Variants in TTC27 observed in about 807,000 individuals in gnomAD.
The protein encoded by TTC27 is tetratricopeptide repeat protein 27.
A neutral mutation model predicts 115.9 loss-of-function variants in TTC27; 79 were observed. That is an observed-to-expected ratio of 0.68 (90% CI 0.57 to 0.82). The LOEUF (loss-of-function observed/expected upper bound fraction) is 0.82, where lower values mean the gene tolerates loss of function less well. TTC27 is among the 40% of genes least tolerant of loss of function. The pLI, the probability that TTC27 is intolerant of heterozygous loss-of-function variation, is 0.00. For missense variants in TTC27, 1,054 were observed against 993.1 expected, an observed-to-expected ratio of 1.06 and a Z score of -0.82; for synonymous variants, 401 against 356.0, an observed-to-expected ratio of 1.13 and a Z score of -1.42.
chr2:32,798,713 A>AAAAATAATAATAAT (rs1368512271), intron 16 of TTC27, among the ~76,000 whole-genome samples: 2 of 142,348 alleles, frequency 1.4e-5, no homozygotes, highest in African/African-American at 5.4e-5. Context: ...TCAAAAAAAA[A>AAAAATAATAATAAT]AATAATAATA....
intron 7 of TTC27, among the ~76,000 whole-genome samples, chr2:32,670,609 T>C (rs1665977523): frequency 6.6e-6 from 1 of 152,118 alleles, no homozygotes; most frequent in African/African-American, 2.4e-5. Flanking sequence ...ACGTAAGTTT[T>C]TTTTTTTCTC....
chr2:32,740,614 G>A (rs928733038), intron 12 of TTC27, among the ~76,000 whole-genome samples: 1 of 152,056 alleles, frequency 6.6e-6, no homozygotes, highest in Non-Finnish European at 1.5e-5. Context: ...GAGCTGTTTC[G>A]AATGAGTGGC....
chr2:32,672,518 G>A, intron 8 of TTC27, 134 bp downstream of exon 8: 1 of 580,618 alleles, frequency 1.7e-6, no homozygotes, highest in Non-Finnish European at 3.1e-6. Context: ...GAAGATCAGA[G>A]GAAATACTTG....
intron 10 of TTC27, among the ~76,000 whole-genome samples, 188 bp from the exon 11 acceptor site, chr2:32,733,640 T>C (rs1668362931): frequency 6.6e-6 from 1 of 152,226 alleles, no homozygotes; most frequent in African/African-American, 2.4e-5. Context: ...TATGTAAATG[T>C]GGATTAGGTT....
intron 16 of TTC27, among the ~76,000 whole-genome samples, chr2:32,810,607 C>G (rs1259269663): frequency 6.6e-6 from 1 of 152,084 alleles, no homozygotes; most frequent in East Asian, 1.9e-4. Context: ...TGTAACCTGT[C>G]TGGTAGGTAT....
At chr2:32,677,201 C>G (rs947561569) in intron 8 of TTC27, among the ~76,000 whole-genome samples, 11 of 152,108 alleles carry the variant, frequency 7.2e-5, no homozygotes, top group African/African-American at 2.7e-4. Flanking sequence ...TCCTGTGATG[C>G]ATGTTGTTAT....
At chr2:32,639,237 C>T (rs1352642576) in intron 3 of TTC27, among the ~76,000 whole-genome samples, 1 of 152,208 alleles carries the variant, frequency 6.6e-6, no homozygotes, top group Non-Finnish European at 1.5e-5. Context: ...AGAAAGGACA[C>T]TGTCCTGTGC....
Position 32,639,053 on chromosome 2 carries a change from T to C in TTC27, c.397-1217T>C, listed in dbSNP as rs183180380. 5.1e-3 allele frequency among the ~76,000 whole-genome samples: 768 copies of C among 151,918 alleles called. 6 individuals are homozygous for C. The highest frequency in any genetic ancestry group is 8.5e-3 in the Non-Finnish European group (578 of 67,956). ...TTCACCGTGTTAGCCAGGATGGTCT[T>C]GATCTCCTGACCTCGTGATCCGCCC... On this transcript the variant is annotated intron_variant, in intron 3 of 19. Coordinates refer to ENST00000317907, the MANE Select transcript of TTC27 (RefSeq NM_017735.5).
chr2:32,807,312 T>C (rs1671164346), intron 16 of TTC27, among the ~76,000 whole-genome samples: 1 of 152,034 alleles, frequency 6.6e-6, no homozygotes, highest in Non-Finnish European at 1.5e-5. Context: ...TTTCCTTCTT[T>C]ACCCCTCCTT....
At chr2:32,711,116 C>CAAAAAAAAAAAAAAAA in intron 10 of TTC27, among the ~76,000 whole-genome samples, 1 of 59,936 alleles carries the variant, frequency 1.7e-5, no homozygotes, top group Non-Finnish European at 3.2e-5. Flanking sequence ...GACTCTGTCT[C>CAAAAAAAAAAAAAAAA]AAAAAAAAAA....
At chr2:32,799,870 A>G (rs1325413405) in intron 16 of TTC27, among the ~76,000 whole-genome samples, 1 of 152,234 alleles carries the variant, frequency 6.6e-6, no homozygotes, top group Non-Finnish European at 1.5e-5. Flanking sequence ...GTTTAGGACC[A>G]AAAGCTTGAA....
At chr2:32,721,574 A>C (rs1448870258) in intron 10 of TTC27, among the ~76,000 whole-genome samples, 1 of 151,772 alleles carries the variant, frequency 6.6e-6, no homozygotes, top group East Asian at 1.9e-4. Context: ...CAAGATTGTT[A>C]AGCTTCCTCA....
intron 7 of TTC27, 42 bp downstream of exon 7, chr2:32,666,810 G>A (rs1665795510): frequency 1.9e-6 from 3 of 1,599,286 alleles, no homozygotes; most frequent in Admixed American, 1.7e-5. Flanking sequence ...TAACACCTGA[G>A]TCTAAGAATT....
chr2:32,655,612 A>G (rs1665286712), intron 5 of TTC27, among the ~76,000 whole-genome samples: 1 of 152,158 alleles, frequency 6.6e-6, no homozygotes, highest in Non-Finnish European at 1.5e-5. Context: ...CACTCATACC[A>G]ATGGTGGACT....
At chr2:32,820,678 G>GA in intron 19 of TTC27, 138 bp from the exon 20 acceptor site, 4 of 752,398 alleles carry the variant, frequency 5.3e-6, no homozygotes, top group Non-Finnish European at 5.5e-6. Flanking sequence ...CTAGTGAACA[G>GA]AAAAAAATGC....
chr2:32,710,600 TG>T (rs1349375979), intron 10 of TTC27, among the ~76,000 whole-genome samples: 4 of 151,620 alleles, frequency 2.6e-5, no homozygotes, highest in Non-Finnish European at 5.9e-5. Flanking sequence ...TGGCTAATTT[TG>T]GTATTTTTAG....
rs551241436 is a variant in TTC27, at chr2:32,698,305, A to T, written c.1120-4502A>T. On this transcript the variant is annotated intron_variant, in intron 9 of 19. Transcript: ENST00000317907. ...CCACCACACCCAGCAAATTTGATAA[A>T]TTTTTTTGTAGAGACAGGGGCTTGC... Among the ~76,000 whole-genome samples the T allele has an allele frequency of 6.6e-3, 1,003 of 151,324 alleles. 3 individuals are homozygous for T. Among genetic ancestry groups the T allele is most frequent in the Non-Finnish European group, 0.011 (753 of 67,820 alleles).
chr2:32,782,789 T>C (rs555397566), intron 15 of TTC27, 111 bp downstream of exon 15: 1 of 815,544 alleles, frequency 1.2e-6, no homozygotes, highest in Admixed American at 2.6e-5. Context: ...TTCTCGCCCA[T>C]GTATATGAAA....
At chr2:32,784,367 G>T (rs114216521) in intron 15 of TTC27, among the ~76,000 whole-genome samples, 207 of 152,168 alleles carry the variant, frequency 1.4e-3, no homozygotes, top group Non-Finnish European at 2.6e-3. Context: ...TTCTTTCTTT[G>T]CTAAGGTTCT....
Sources: gnomAD v4.1 joint callset for allele counts (sites outside exome capture counted in the v4.1 genomes callset) on GRCh38, gnomAD v4.1.1 for gene constraint, MANE v1.5 for transcripts, NCBI Gene and HGNC (gene_info 2026-07-23, HGNC 2026-07-21) for gene names.